The following REDIC1 variants were observed in gnomAD, a reference collection of about 807,000 sequenced individuals.
REDIC1 encodes the protein HEI10 Interacting Protein 1.
chr12:39,900,317 C>G, the REDIC1 span, among the ~76,000 whole-genome samples: 1 of 152,134 alleles, frequency 6.6e-6, no homozygotes. Flanking sequence ...TCCTATTCAA[C>G]ATAGTGTTGG....
chr12:39,750,047 A>G, the REDIC1 span, among the ~76,000 whole-genome samples: 1 of 152,246 alleles, frequency 6.6e-6, no homozygotes, highest in Non-Finnish European at 1.5e-5. Context: ...CATTCAAGAT[A>G]GTGTTGGAAG....
the REDIC1 span, among the ~76,000 whole-genome samples, chr12:39,895,789 C>A: frequency 1.3e-5 from 1 of 79,234 alleles, no homozygotes; most frequent in African/African-American, 5.3e-5. Flanking sequence ...TGTATACGTA[C>A]ACACATGTAT....
the REDIC1 span, among the ~76,000 whole-genome samples, chr12:39,765,654 G>T: frequency 6.6e-6 from 1 of 152,032 alleles, no homozygotes; most frequent in South Asian, 2.1e-4. Context: ...GATGATTTGG[G>T]TGCCTGCTCA....
At chr12:39,864,031 G>A in the REDIC1 span, among the ~76,000 whole-genome samples, 2 of 152,194 alleles carry the variant, frequency 1.3e-5, no homozygotes, top group African/African-American at 4.8e-5. Flanking sequence ...GGGATTGCTA[G>A]ACTTTATGGT....
chr12:39,658,974 C>T, the REDIC1 span, among the ~76,000 whole-genome samples: 3 of 151,866 alleles, frequency 2.0e-5, no homozygotes, highest in East Asian at 1.9e-4. Flanking sequence ...TATTTAAGCA[C>T]GTAGTTGTTA....
chr12:39,788,496 A>G, the REDIC1 span: 1 of 152,204 alleles, frequency 6.6e-6, no homozygotes, highest in Non-Finnish European at 1.5e-5. Flanking sequence ...AGATGATTTC[A>G]TCACACTACT....
chr12:39,683,086 G>T, the REDIC1 span: 3 of 1,612,364 alleles, frequency 1.9e-6, no homozygotes, highest in African/African-American at 2.7e-5. Flanking sequence ...TGAAAGAAAT[G>T]ATCTTAGTAC....
the REDIC1 span, among the ~76,000 whole-genome samples, chr12:39,738,513 T>C: frequency 1.3e-5 from 2 of 152,318 alleles, no homozygotes; most frequent in Non-Finnish European, 2.9e-5. Flanking sequence ...ATGAAAGGAA[T>C]ATAAAAATTT....
At chr12:39,661,842 G>T in the REDIC1 span, among the ~76,000 whole-genome samples, 2 of 152,030 alleles carry the variant, frequency 1.3e-5, no homozygotes, top group Non-Finnish European at 2.9e-5. Flanking sequence ...GTGAGAAGTG[G>T]TTGTCTAGTT....
chr12:39,665,404 A>C, the REDIC1 span, among the ~76,000 whole-genome samples: 11 of 152,026 alleles, frequency 7.2e-5, no homozygotes, highest in Admixed American at 1.3e-4. Context: ...ATTATTTCTG[A>C]GGGCTCTGTT....
At chr12:39,666,830 C>A in the REDIC1 span, among the ~76,000 whole-genome samples, 1 of 152,160 alleles carries the variant, frequency 6.6e-6, no homozygotes, top group Non-Finnish European at 1.5e-5. Flanking sequence ...TCCTTTTCTT[C>A]TAGATTTTCT....
At chr12:39,828,774 A>G in the REDIC1 span, among the ~76,000 whole-genome samples, 1 of 152,100 alleles carries the variant, frequency 6.6e-6, no homozygotes, top group African/African-American at 2.4e-5. Context: ...GAACAAGTAC[A>G]TCTAGAAATA....
the REDIC1 span, chr12:39,830,019 T>C: frequency 1.3e-6 from 2 of 1,552,354 alleles, no homozygotes; most frequent in African/African-American, 2.7e-5. Flanking sequence ...AGAACTGCTA[T>C]AAGTGCAAGC....
chr12:39,654,933 C>G, the REDIC1 span, among the ~76,000 whole-genome samples: 1 of 152,026 alleles, frequency 6.6e-6, no homozygotes, highest in Non-Finnish European at 1.5e-5. Context: ...TTCAGATTGT[C>G]TAGTTTGTTC....
At chr12:39,729,162 G>T in the REDIC1 span, among the ~76,000 whole-genome samples, 2 of 151,958 alleles carry the variant, frequency 1.3e-5, no homozygotes, top group African/African-American at 4.8e-5. Context: ...ATCTCCTTTA[G>T]TTCTGCTCTG....
At chr12:39,679,937 A>G in the REDIC1 span, among the ~76,000 whole-genome samples, 1 of 152,174 alleles carries the variant, frequency 6.6e-6, no homozygotes, top group East Asian at 1.9e-4. Context: ...TTGGCAAGCC[A>G]CATGTAGTAT....
the REDIC1 span, among the ~76,000 whole-genome samples, chr12:39,905,019 C>G: frequency 6.6e-6 from 1 of 152,128 alleles, no homozygotes; most frequent in Non-Finnish European, 1.5e-5. Flanking sequence ...AGAGCTAAAA[C>G]TAGTTTACTG....
the REDIC1 span, among the ~76,000 whole-genome samples, chr12:39,666,914 C>T: frequency 6.6e-6 from 1 of 152,092 alleles, no homozygotes; most frequent in Non-Finnish European, 1.5e-5. Flanking sequence ...GTAGTGATAT[C>T]CCCTTTATCA....
the REDIC1 span, among the ~76,000 whole-genome samples, chr12:39,895,653 C>CACACATATGTATATGCGTGTATACGTAA: frequency 5.2e-5 from 4 of 77,466 alleles, 1 homozygote; most frequent in African/African-American, 2.0e-4. Context: ...TGTATACGTA[C>CACACATATGTATATGCGTGTATACGTAA]ACACATATGT....
Sources: allele counts gnomAD v4.1 joint callset (sites outside exome capture counted in the v4.1 genomes callset), GRCh38; gene constraint gnomAD v4.1.1; transcripts MANE v1.5; gene names NCBI Gene and HGNC (gene_info 2026-07-23, HGNC 2026-07-21).